The following PKD1 variants were observed in gnomAD, a reference collection of about 807,000 sequenced individuals.
PKD1 encodes the protein polycystin 1, transient receptor potential channel interacting, also known as polycystin-1.
PKD1 carries 81 observed loss-of-function variants against 361.7 expected under a neutral mutation model. That is an observed-to-expected ratio of 0.22 (90% CI 0.19 to 0.27). PKD1 has a LOEUF of 0.27. Among genes scored for constraint, PKD1 ranks in the 10% least tolerant of loss-of-function variants. PKD1 has a pLI of 1.00. For missense variants in PKD1, 6,399 were observed against 6,118.3 expected, an observed-to-expected ratio of 1.05 and a Z score of -1.53; for synonymous variants, 3,615 against 2,818.3, an observed-to-expected ratio of 1.28 and a Z score of -8.95.
intron 1 of PKD1, chr16:2,123,553 C>T (rs776505869): frequency 4.6e-5 from 21 of 455,580 alleles, no homozygotes; most frequent in East Asian, 1.4e-4. Flanking sequence ...GGCAGCCTCG[C>T]GCCAGCCCCC....
chr16:2,091,393 G>A (rs1338826803), intron 42 of PKD1, 30 bp downstream of exon 42: 3 of 1,097,910 alleles, frequency 2.7e-6, no homozygotes, highest in African/African-American at 3.4e-5. Flanking sequence ...GCCGGTGGGA[G>A]GCGCGGGGTC....
intron 42 of PKD1, 47 bp downstream of exon 42, chr16:2,091,376 G>C: frequency 9.5e-7 from 1 of 1,048,010 alleles, no homozygotes; most frequent in Non-Finnish European, 1.2e-6. Flanking sequence ...CGAGGGGGCG[G>C]GACGCTGCCG....
intron 10 of PKD1, 133 bp downstream of exon 10, chr16:2,115,245 G>A: frequency 9.3e-7 from 1 of 1,080,294 alleles, no homozygotes; most frequent in East Asian, 2.6e-5. Flanking sequence ...AGAGGTCGGA[G>A]GTCAGAGGTG....
rs1253465820 is a variant in PKD1 at position 2,091,803 on chromosome 16, G to A, written c.11515C>T (p.Leu3839=). 1 of 1,610,906 alleles carries A rather than the reference G, an allele frequency of 6.2e-7. No homozygotes were observed. Among genetic ancestry groups the A allele is most frequent in the Admixed American group, 1.7e-5 (1 of 59,876 alleles). The change falls in exon 41 of 46, where the codon CTG becomes TTG. Residue 3839 remains leucine, a synonymous_variant. Transcript: ENST00000262304. ...CACCTGTTGTCCAGCCAGTTGTGCA[G>A]CTGCAGGAAGCGCAGCCGGTCGCGG... is the stretch of plus-strand genomic sequence containing the variant. ...ESRDRLRFLQ[L]HNWLDNRSRA...
At chr16:2,128,373 G>A (rs2092824149) in intron 1 of PKD1, among the ~76,000 whole-genome samples, 1 of 150,294 alleles carries the variant, frequency 6.7e-6, no homozygotes, top group Non-Finnish European at 1.5e-5. Flanking sequence ...CACCCAAGCA[G>A]CTGCACCTGG....
chr16:2,098,102 G>C (rs2091921811), intron 30 of PKD1, 118 bp from the exon 31 acceptor site: 2 of 668,638 alleles, frequency 3.0e-6, no homozygotes, highest in Admixed American at 4.2e-5. Context: ...GAATGTCCTA[G>C]AATGCTGGAT....
chr16:2,113,891 C>A, intron 11 of PKD1: 1 of 533,210 alleles, frequency 1.9e-6, no homozygotes, highest in Middle Eastern at 5.2e-4. Flanking sequence ...GAGAGACTCA[C>A]GGGGGCTCGT....
At chr16:2,134,594 C>G (rs1262120134) in intron 1 of PKD1, among the ~76,000 whole-genome samples, 1 of 151,688 alleles carries the variant, frequency 6.6e-6, no homozygotes, top group East Asian at 1.9e-4. Flanking sequence ...GTTCCAAACC[C>G]CTGCTATGCA....
chr16:2,092,361 G>A lies in PKD1; in HGVS notation c.11269+119C>T, dbSNP rs559593123. 45 of 957,958 alleles carry A rather than the reference G, an allele frequency of 4.7e-5. No individual in the cohort carries two copies. The South Asian group carries it at 6.3e-4, about 13-fold the overall frequency. 59.3% of individuals were successfully genotyped at this position (957,958 alleles called of 1,614,324 possible). On this transcript the variant is annotated intron_variant, in intron 39 of 45. Coordinates refer to ENST00000262304, the MANE Select transcript of PKD1 (RefSeq NM_001009944.3). ...CTCATATACAGAGAAGGAAACGGCG[G>A]TGTTAAGAGGGCAAAGGTCACACAG... is the stretch of plus-strand genomic sequence containing the variant.
At position 2,099,361 on chromosome 16, in the gene PKD1, C is replaced by T. The variant is rs149908589; in HGVS notation, c.10050+283G>A. Reference sequence around the variant, plus strand: ...AGTGCATTTCGGAAGCGTGCACAGCCGCGTGCTTGCTTCTTCTGAGTTATC... The same window carrying T: ...AGTGCATTTCGGAAGCGTGCACAGCTGCGTGCTTGCTTCTTCTGAGTTATC... On this transcript the variant is annotated intron_variant, in intron 30 of 45. Transcript: ENST00000262304. 3.3e-3 allele frequency: 1,556 copies of T among 469,048 alleles called. 15 individuals carry two copies. The highest frequency in any genetic ancestry group is 0.027 in the African/African-American group (1,373 of 50,686). 29.1% of individuals were successfully genotyped at this position (469,048 alleles called of 1,614,324 possible).
At chr16:2,122,275 G>T (rs1381264655) in intron 1 of PKD1, among the ~76,000 whole-genome samples, 1 of 152,252 alleles carries the variant, frequency 6.6e-6, no homozygotes, top group Admixed American at 6.5e-5. Context: ...CGGATGGAGG[G>T]CACGGTTGGG....
intron 7 of PKD1, 91 bp from the exon 8 acceptor site, chr16:2,116,735 C>T: frequency 3.5e-6 from 4 of 1,130,802 alleles, no homozygotes; most frequent in South Asian, 1.3e-5. Flanking sequence ...AAAACCCCCC[C>T]ACCAGCCCCT....
rs1406693997 is a variant in PKD1 at position 2,112,439 on chromosome 16, G to C, written c.3196C>G (p.Gln1066Glu). The C allele has an allele frequency of 6.3e-7, 1 of 1,586,514 alleles. No individual in the cohort carries two copies. Among genetic ancestry groups the C allele is most frequent in the Non-Finnish European group, 8.5e-7 (1 of 1,174,030 alleles). The change falls in exon 14 of 46, where the codon CAG becomes GAG. Residue 1066 changes from glutamine (Q) to glutamate (E), a missense_variant. Gln to Glu is a conservative substitution (Grantham distance 29). Transcript: ENST00000262304. Reference sequence around the variant, plus strand: ...GACTCGTTGTACGGAGGCTGGAACTGGTGGAGGGCCTGCTCCCCATCCCCA... The same window carrying C: ...GACTCGTTGTACGGAGGCTGGAACTCGTGGAGGGCCTGCTCCCCATCCCCA... ...TFGDGEQALH[Q>E]FQPPYNESFP...
Position 2,108,596 on chromosome 16 carries a change from G to A in PKD1, c.6571C>T (p.Arg2191Cys), listed in dbSNP as rs375006983. The change falls in exon 15 of 46, where the codon CGC becomes TGC. Residue 2191 changes from arginine (R) to cysteine (C), a missense_variant. Physicochemically the swap from Arg to Cys is radical, Grantham distance 180. Transcript: ENST00000262304. ...CCCGGCCGCTGGCAGCTGGCGGTGC[G>A]ATACACCTCCCAGCGGTACTCAGTC... ...YQTEYRWEVY[R>C]TASCQRPGRP... is the part of the protein sequence containing the mutation. The A allele has an allele frequency of 1.8e-5, 28 of 1,558,144 alleles. No individual in the cohort carries two copies. The highest frequency in any genetic ancestry group is 4.8e-5 in the East Asian group (2 of 42,014).
intron 11 of PKD1, chr16:2,113,654 T>C: frequency 2.5e-6 from 1 of 400,376 alleles, no homozygotes; most frequent in Non-Finnish European, 4.7e-6. Flanking sequence ...GGGAGGCACC[T>C]ACACTGGCTT....
chr16:2,108,076 C>A, intron 15 of PKD1, 44 bp from the exon 16 acceptor site: 5 of 1,586,830 alleles, frequency 3.2e-6, no homozygotes, highest in Non-Finnish European at 4.3e-6. Context: ...AGAGCCCCAT[C>A]CAGTTTTAAA....
At position 2,106,315 on chromosome 16, in the gene PKD1, G is replaced by T; in HGVS notation, c.7490-11C>A. ...CCGCGTCATGCCAGCCTGAGGGACG[G>T]TCCCCACGGCATCACGGGAGGGCTC... is the stretch of plus-strand genomic sequence containing the variant. On this transcript the variant is annotated splice_polypyrimidine_tract_variant and intron_variant, in intron 18 of 45. Transcript: ENST00000262304. The surrounding 1 kb of genome is among the most constrained non-coding windows in gnomAD (Gnocchi z 6.5). The T allele has an allele frequency of 6.2e-7, 1 of 1,607,884 alleles. No homozygotes were observed. The highest frequency in any genetic ancestry group is 8.5e-7 in the Non-Finnish European group (1 of 1,177,706).
intron 22 of PKD1, 75 bp downstream of exon 22, chr16:2,104,423 G>C (rs368991932): frequency 1.7e-6 from 2 of 1,143,020 alleles, no homozygotes; most frequent in Non-Finnish European, 2.5e-6. Flanking sequence ...AAGGCGACGC[G>C]GTTGGGGGGA....
chr16:2,097,361 G>C lies in PKD1; in HGVS notation c.10363C>G (p.Leu3455Val). The change falls in exon 33 of 46, where the codon CTG (leucine) becomes GTG (valine). Residue 3455 changes from leucine (L) to valine (V), a missense_variant. Physicochemically the swap from Leu to Val is conservative, Grantham distance 32. Coordinates refer to ENST00000262304, the MANE Select transcript of PKD1 (RefSeq NM_001009944.3). ...TTGGCAGGCGAGTAGGGGCTGGCCA[G>C]GGAGAAGCCGTCCTCCTCTGGGCCC... ...GLGPEEDGFS[L>V]ASPYSPAKSF... 1.2e-6 allele frequency: 2 copies of C among 1,612,122 alleles called. No homozygotes were observed. The highest frequency in any genetic ancestry group is 1.1e-5 in the South Asian group (1 of 91,088).
Sources: allele counts gnomAD v4.1 joint callset (sites outside exome capture counted in the v4.1 genomes callset), GRCh38; gene constraint gnomAD v4.1.1; non-coding constraint Gnocchi (gnomAD v3.1); transcripts MANE v1.5; gene names NCBI Gene and HGNC (gene_info 2026-07-23, HGNC 2026-07-21).